The following CCSER1 variants were observed in gnomAD, a reference collection of about 807,000 sequenced individuals.
CCSER1 encodes the protein coiled-coil serine rich protein 1, also known as serine-rich coiled-coil domain-containing protein 1.
CCSER1 carries 41 observed loss-of-function variants against 82.0 expected under a neutral mutation model. The observed-to-expected ratio is 0.50, with a 90% CI of 0.39 to 0.65. CCSER1 has a LOEUF of 0.65. Among genes scored for constraint, CCSER1 ranks in the 30% least tolerant of loss-of-function variants. The pLI is 0.00. For missense variants in CCSER1, 1,119 were observed against 1,064.2 expected, an observed-to-expected ratio of 1.05 and a Z score of -0.72; for synonymous variants, 414 against 383.9, an observed-to-expected ratio of 1.08 and a Z score of -0.92.
intron 3 of CCSER1, among the ~76,000 whole-genome samples, chr4:90,355,978 G>C (rs1744305337): frequency 6.6e-6 from 1 of 151,894 alleles, no homozygotes; most frequent in African/African-American, 2.4e-5. Context: ...TTAGTGAAAA[G>C]TCCATTGTCT....
At chr4:91,015,886 A>T (rs749853537) in intron 9 of CCSER1, among the ~76,000 whole-genome samples, 1 of 152,014 alleles carries the variant, frequency 6.6e-6, no homozygotes, top group Non-Finnish European at 1.5e-5. Flanking sequence ...CAGGAACATT[A>T]GAACTATTAA....
chr4:91,539,155 T>C (rs925296495), intron 10 of CCSER1, among the ~76,000 whole-genome samples: 1 of 152,078 alleles, frequency 6.6e-6, no homozygotes, highest in African/African-American at 2.4e-5. Context: ...CTTTATCTTA[T>C]TCATATTCTT....
intron 10 of CCSER1, among the ~76,000 whole-genome samples, chr4:91,210,864 T>G (rs777171729): frequency 2.0e-5 from 3 of 151,882 alleles, no homozygotes; most frequent in Non-Finnish European, 4.4e-5. Context: ...ATATTGATGA[T>G]TTTATTGTAG....
chr4:91,469,487 C>A (rs530234074), intron 10 of CCSER1, among the ~76,000 whole-genome samples: 2 of 152,266 alleles, frequency 1.3e-5, no homozygotes, highest in African/African-American at 4.8e-5. Context: ...TCTCTTGGGG[C>A]ACCCCAAAAC....
intron 9 of CCSER1, among the ~76,000 whole-genome samples, chr4:91,045,101 C>G (rs1742332148): frequency 6.6e-6 from 1 of 152,074 alleles, no homozygotes; most frequent in Admixed American, 6.6e-5. Flanking sequence ...TGCCCTATAG[C>G]TAGAAAATAA....
intron 5 of CCSER1, among the ~76,000 whole-genome samples, chr4:90,475,517 G>A (rs1764956479): frequency 6.6e-6 from 1 of 152,178 alleles, no homozygotes; most frequent in Non-Finnish European, 1.5e-5. Context: ...TGGATTTTCA[G>A]AAGAATCATT....
intron 6 of CCSER1, among the ~76,000 whole-genome samples, chr4:90,659,476 GTAT>G (rs1275466331): frequency 6.6e-6 from 1 of 151,964 alleles, no homozygotes; most frequent in African/African-American, 2.4e-5. Flanking sequence ...CCCCAAAATT[GTAT>G]TATTATTTTT....
intron 10 of CCSER1, among the ~76,000 whole-genome samples, chr4:91,436,484 T>C (rs930131373): frequency 6.6e-6 from 1 of 152,184 alleles, no homozygotes; most frequent in African/African-American, 2.4e-5. Flanking sequence ...TTGAAGGTGA[T>C]AGAAAGTATG....
At chr4:91,201,263 C>T (rs1490669053) in intron 10 of CCSER1, among the ~76,000 whole-genome samples, 1 of 152,028 alleles carries the variant, frequency 6.6e-6, no homozygotes, top group Non-Finnish European at 1.5e-5. Flanking sequence ...TGGCTTAGGC[C>T]TGCATCTTGA....
chr4:91,290,394 C>A (rs1345664838), intron 10 of CCSER1, among the ~76,000 whole-genome samples: 1 of 151,910 alleles, frequency 6.6e-6, no homozygotes, highest in African/African-American at 2.4e-5. Flanking sequence ...TGACCATATT[C>A]CCAGTGTTTT....
At chr4:91,530,720 G>A (rs1760986605) in intron 10 of CCSER1, among the ~76,000 whole-genome samples, 1 of 145,102 alleles carries the variant, frequency 6.9e-6, no homozygotes, top group Non-Finnish European at 1.5e-5. Flanking sequence ...TTTTGCTTTG[G>A]TTGCCCAGGG....
intron 1 of CCSER1, among the ~76,000 whole-genome samples, chr4:90,205,266 G>A (rs566635085): frequency 2.0e-5 from 3 of 152,146 alleles, no homozygotes; most frequent in Non-Finnish European, 4.4e-5. Context: ...TCCTTGTCTT[G>A]TGCCAGTTTT....
At chr4:90,355,463 G>A (rs1744219747) in intron 3 of CCSER1, among the ~76,000 whole-genome samples, 1 of 151,756 alleles carries the variant, frequency 6.6e-6, no homozygotes. Flanking sequence ...TCCTATAAAG[G>A]CTGTTAAAAT....
intron 4 of CCSER1, among the ~76,000 whole-genome samples, chr4:90,413,195 A>T (rs907904659): frequency 2.0e-5 from 3 of 152,224 alleles, no homozygotes; most frequent in African/African-American, 4.8e-5. Flanking sequence ...CCCCTTTCAC[A>T]ATAGCTGCAA....
chr4:91,571,393 G>C (rs1452246079), intron 10 of CCSER1, among the ~76,000 whole-genome samples: 1 of 152,106 alleles, frequency 6.6e-6, no homozygotes, highest in Non-Finnish European at 1.5e-5. Context: ...TTGTTCTCAG[G>C]CTGCTATCAA....
chr4:91,255,427 G>A (rs1740610700), intron 10 of CCSER1, among the ~76,000 whole-genome samples: 1 of 152,144 alleles, frequency 6.6e-6, no homozygotes, highest in African/African-American at 2.4e-5. Flanking sequence ...CAAAAGTGCA[G>A]TGTCTAACCA....
At chr4:91,350,664 G>A (rs925317001) in intron 10 of CCSER1, among the ~76,000 whole-genome samples, 135 of 152,100 alleles carry the variant, frequency 8.9e-4, no homozygotes, top group African/African-American at 2.9e-3. Flanking sequence ...ACTGCAGAAC[G>A]TTGATAGTTT....
chr4:90,490,522 T>C (rs1445934145), intron 5 of CCSER1, among the ~76,000 whole-genome samples: 1 of 152,198 alleles, frequency 6.6e-6, no homozygotes, highest in East Asian at 1.9e-4. Context: ...AGCTCTTTAG[T>C]TTAATTAGAT....
At chr4:90,699,276 G>A (rs548954388) in intron 6 of CCSER1, among the ~76,000 whole-genome samples, 5 of 152,002 alleles carry the variant, frequency 3.3e-5, no homozygotes, top group Admixed American at 3.3e-4. Context: ...CCAGGCTGGC[G>A]AACATGGCAA....
Sources: gnomAD v4.1 joint callset for allele counts (sites outside exome capture counted in the v4.1 genomes callset) on GRCh38, gnomAD v4.1.1 for gene constraint, MANE v1.5 for transcripts, NCBI Gene and HGNC (gene_info 2026-07-23, HGNC 2026-07-21) for gene names.